FRMD5: variants seen among roughly 807,000 people sequenced by gnomAD.
FRMD5 encodes the protein FERM domain containing 5.
FRMD5 carries 20 observed loss-of-function variants against 69.0 expected under a neutral mutation model. The observed-to-expected ratio is 0.29, with a 90% confidence interval of 0.20 to 0.42. FRMD5 has a LOEUF of 0.42. FRMD5 is among the 10% of genes least tolerant of loss of function. The pLI, the probability that FRMD5 is intolerant of heterozygous loss-of-function variation, is 1.00. For missense variants in FRMD5, 595 were observed against 708.6 expected (o/e 0.84, Z 1.82); for synonymous variants, 271 against 260.1 (o/e 1.04, Z -0.40).
intron 1 of FRMD5, among the ~76,000 whole-genome samples, chr15:44,051,296 C>T (rs1369344438): frequency 6.7e-6 from 1 of 149,204 alleles, no homozygotes; most frequent in Admixed American, 6.6e-5. Flanking sequence ...GGATTATAGG[C>T]ACCCATGACC....
intron 1 of FRMD5, among the ~76,000 whole-genome samples, chr15:44,122,890 CA>C (rs5812267): frequency 0.83 from 125,260 of 151,216 alleles, 54,480 homozygotes; most frequent in Non-Finnish European, 0.95. Flanking sequence ...GACTCTGTAT[CA>C]AAAAAAATTT....
chr15:43,888,234 T>C lies in FRMD5; in HGVS notation c.825A>G (p.Pro275=), dbSNP rs751072395. 2.0e-5 allele frequency: 33 copies of C among 1,613,960 alleles called. No homozygotes were observed. Among genetic ancestry groups the C allele is most frequent in the Non-Finnish European group, 2.7e-5 (32 of 1,179,920 alleles). The part of the protein sequence containing the change: ...EKKIILTYFA[P]TPEACKHLWK... Reference sequence around the variant, plus strand: ...AGAGGTGCTTACACGCTTCAGGAGTTGGAGCAAAATATGTAAGAATAATTT... The same window carrying C: ...AGAGGTGCTTACACGCTTCAGGAGTCGGAGCAAAATATGTAAGAATAATTT... Residue 275 remains proline, a synonymous_variant, in exon 10 of 14, where the codon CCA becomes CCG. Transcript: ENST00000417257.
chr15:44,133,576 C>CA (rs11326330), intron 1 of FRMD5, among the ~76,000 whole-genome samples: 18 of 86,904 alleles, frequency 2.1e-4, no homozygotes, highest in South Asian at 4.0e-4. Flanking sequence ...GAATCTGTCT[C>CA]AAAAAAAAAA....
chr15:43,895,667 G>A (rs933769675), intron 7 of FRMD5, among the ~76,000 whole-genome samples: 4 of 152,220 alleles, frequency 2.6e-5, no homozygotes, highest in Non-Finnish European at 5.9e-5. Context: ...TGCTTCAAAT[G>A]CAACAGATGC....
At chr15:44,172,978 C>G (rs886396457) in intron 1 of FRMD5, among the ~76,000 whole-genome samples, 2 of 152,188 alleles carry the variant, frequency 1.3e-5, no homozygotes, top group Non-Finnish European at 1.5e-5. Context: ...ACTTTTAACT[C>G]CATCTAAGAC....
chr15:44,188,233 C>T (rs1185271801), intron 1 of FRMD5, among the ~76,000 whole-genome samples: 6 of 152,130 alleles, frequency 3.9e-5, no homozygotes, highest in Admixed American at 6.5e-5. Context: ...GGTATAATGA[C>T]GCACTGCAGA....
At chr15:43,885,652 C>T in intron 11 of FRMD5, 29 bp downstream of exon 11, 1 of 1,564,228 alleles carries the variant, frequency 6.4e-7, no homozygotes, top group Non-Finnish European at 8.8e-7. Context: ...AAAATAGATC[C>T]ATAATGGTTA....
At chr15:44,097,171 C>A (rs969553155) in intron 1 of FRMD5, among the ~76,000 whole-genome samples, 2 of 152,138 alleles carry the variant, frequency 1.3e-5, no homozygotes, top group African/African-American at 4.8e-5. Context: ...AGAAGTCCAA[C>A]AAAACCACTT....
chr15:44,116,821 C>G (rs1489052049), intron 1 of FRMD5, among the ~76,000 whole-genome samples: 1 of 152,136 alleles, frequency 6.6e-6, no homozygotes, highest in East Asian at 1.9e-4. Context: ...GTGGCTCACA[C>G]TTTTAATCCC....
intron 1 of FRMD5, among the ~76,000 whole-genome samples, chr15:44,138,647 G>GA (rs1326132870): frequency 6.6e-6 from 1 of 152,138 alleles, no homozygotes; most frequent in Non-Finnish European, 1.5e-5. Context: ...ATATATCATA[G>GA]AATATACTTC....
chr15:44,086,423 C>A (rs901096175), intron 1 of FRMD5, among the ~76,000 whole-genome samples: 2 of 152,064 alleles, frequency 1.3e-5, no homozygotes, highest in African/African-American at 4.8e-5. Flanking sequence ...CATGGATGAA[C>A]CTTGAAAATG....
At chr15:43,895,372 C>T (rs933649518) in intron 7 of FRMD5, among the ~76,000 whole-genome samples, 12 of 152,208 alleles carry the variant, frequency 7.9e-5, no homozygotes. Flanking sequence ...TCTCAGTGAC[C>T]TCTGTCCCTC....
chr15:44,032,920 G>T (rs1458326426), intron 1 of FRMD5, among the ~76,000 whole-genome samples: 1 of 152,088 alleles, frequency 6.6e-6, no homozygotes, highest in Non-Finnish European at 1.5e-5. Flanking sequence ...GATGTTTACT[G>T]CAGCATTATT....
In FRMD5 at chr15:44,170,312, C is replaced by A. The variant is rs569784591; in HGVS notation, c.102+24641G>T. ...CCAAGACAGGCAGATCACCTGAGGTCGGCAGTTCGAGACCAGCCTGACCAA... is the reference window on the plus strand; with the variant it reads ...CCAAGACAGGCAGATCACCTGAGGTAGGCAGTTCGAGACCAGCCTGACCAA... On this transcript the variant is annotated intron_variant, in intron 1 of 13. Coordinates refer to ENST00000417257, the MANE Select transcript of FRMD5 (RefSeq NM_032892.5). Among the ~76,000 whole-genome samples the A allele has an allele frequency of 3.3e-5, 5 of 152,220 alleles. No individual in the cohort carries two copies. The South Asian group carries it at 1.0e-3, about 32-fold the overall frequency.
chr15:44,130,411 G>A (rs1206674825), intron 1 of FRMD5, among the ~76,000 whole-genome samples: 2 of 152,140 alleles, frequency 1.3e-5, no homozygotes, highest in African/African-American at 4.8e-5. Context: ...TACTATTCCA[G>A]GGAACTTCCA....
At chr15:44,093,294 T>G (rs1259410552) in intron 1 of FRMD5, among the ~76,000 whole-genome samples, 3 of 152,038 alleles carry the variant, frequency 2.0e-5, no homozygotes, top group Non-Finnish European at 4.4e-5. Flanking sequence ...ATAGGGAGTA[T>G]TTTTAGGAAT....
At chr15:43,959,476 G>A (rs1459461201) in intron 1 of FRMD5, among the ~76,000 whole-genome samples, 2 of 152,122 alleles carry the variant, frequency 1.3e-5, no homozygotes. Context: ...TTTAATAGTC[G>A]ATATGAATAT....
chr15:44,134,452 T>G (rs1186228423), intron 1 of FRMD5, among the ~76,000 whole-genome samples: 1 of 152,126 alleles, frequency 6.6e-6, no homozygotes, highest in Admixed American at 6.5e-5. Flanking sequence ...AGGTATATTT[T>G]ATTTTTATTC....
intron 13 of FRMD5, among the ~76,000 whole-genome samples, chr15:43,878,209 T>A (rs2088418571): frequency 6.6e-6 from 1 of 152,072 alleles, no homozygotes; most frequent in African/African-American, 2.4e-5. Flanking sequence ...TGTGCTGGGA[T>A]TACAGATGTG....
Sources: allele counts gnomAD v4.1 joint callset (sites outside exome capture counted in the v4.1 genomes callset), GRCh38; gene constraint gnomAD v4.1.1; transcripts MANE v1.5; gene names NCBI Gene and HGNC (gene_info 2026-07-23, HGNC 2026-07-21).